HYDIN: variants seen among roughly 807,000 people sequenced by gnomAD.
HYDIN encodes HYDIN axonemal central pair apparatus protein.
HYDIN carries 132 observed loss-of-function variants against 403.9 expected under a neutral mutation model. The ratio of observed to expected loss-of-function variants is 0.33; its 90% CI spans 0.28 to 0.38. The LOEUF is 0.38. Ranked by LOEUF, HYDIN falls within the 10% of genes least tolerant of loss-of-function variation. The pLI, the probability that HYDIN is intolerant of heterozygous loss-of-function variation, is 1.00. For missense variants in HYDIN, 2,827 were observed against 5,009.5 expected (o/e 0.56, Z 13.15); for synonymous variants, 1,202 against 1,891.7 (o/e 0.64, Z 9.46).
chr16:70,982,235 C>G (rs960233789), intron 28 of HYDIN, among the ~76,000 whole-genome samples: 5 of 149,212 alleles, frequency 3.4e-5, no homozygotes, highest in Non-Finnish European at 7.4e-5. Context: ...TATATTAAAA[C>G]ATTTTTGTGA....
chr16:70,958,661 G>C (rs2078316340), intron 39 of HYDIN, among the ~76,000 whole-genome samples: 1 of 152,084 alleles, frequency 6.6e-6, no homozygotes, highest in Non-Finnish European at 1.5e-5. Context: ...TTTAGGTCCT[G>C]ATTTACAACT....
At chr16:70,845,683 G>A (rs2038151883) in intron 75 of HYDIN, among the ~76,000 whole-genome samples, 1 of 135,364 alleles carries the variant, frequency 7.4e-6, no homozygotes, top group African/African-American at 3.4e-5. Context: ...GACTCTTTTT[G>A]GTTGGTAAAC....
chr16:71,202,797 T>C (rs943763426), intron 1 of HYDIN, among the ~76,000 whole-genome samples: 2 of 152,196 alleles, frequency 1.3e-5, no homozygotes, highest in Non-Finnish European at 2.9e-5. Flanking sequence ...AAACAATCTA[T>C]TAAAATATTT....
intron 11 of HYDIN, among the ~76,000 whole-genome samples, chr16:71,092,920 C>T (rs1475584838): frequency 7.0e-6 from 1 of 143,566 alleles, no homozygotes; most frequent in Non-Finnish European, 1.5e-5. Context: ...GTGCTCAACA[C>T]ACATTAAGGG....
At chr16:71,049,626 G>T (rs971022984) in intron 18 of HYDIN, among the ~76,000 whole-genome samples, 6 of 152,110 alleles carry the variant, frequency 3.9e-5, no homozygotes, top group Admixed American at 2.0e-4. Context: ...AAACAATCAG[G>T]TAATGAATTC....
At chr16:71,158,187 T>C (rs912330529) in intron 6 of HYDIN, among the ~76,000 whole-genome samples, 3 of 152,202 alleles carry the variant, frequency 2.0e-5, no homozygotes, top group Non-Finnish European at 4.4e-5. Context: ...AGCCCATGTT[T>C]GCACGAATCC....
rs372241355 is a variant in HYDIN at position 70,832,858 on chromosome 16, G to A, written c.13889C>T (p.Ala4630Val). Residue 4630 changes from alanine (A) to valine (V), a missense_variant, in exon 80 of 86, where the codon GCG (alanine) becomes GTG (valine). By Grantham distance (64) the Ala-to-Val change is moderately conservative. Coordinates refer to ENST00000393567, the MANE Select transcript of HYDIN (RefSeq NM_001270974.2). ...TLSGVCVGPP[A>V]VKEVVNFTCQ... is the part of the protein sequence containing the mutation. ...GCAGCAGCTACTAACCTCTTTTACC[G>A]CAGGTGGTCCCACGCAGACTCCAGA... is the stretch of plus-strand genomic sequence containing the variant. The A allele has an allele frequency of 5.7e-5, 91 of 1,604,284 alleles. No individual in the cohort carries two copies. The highest frequency in any genetic ancestry group is 1.7e-4 in the Admixed American group (10 of 59,744).
At chr16:71,064,886 T>C in intron 15 of HYDIN, 46 bp from the exon 16 acceptor site, 1 of 1,596,394 alleles carries the variant, frequency 6.3e-7, no homozygotes, top group Non-Finnish European at 8.5e-7. Flanking sequence ...AGAGCTTGTT[T>C]ACATACAGAA....
chr16:71,153,585 C>T (rs1032593823), intron 6 of HYDIN, among the ~76,000 whole-genome samples: 1 of 151,840 alleles, frequency 6.6e-6, no homozygotes, highest in Non-Finnish European at 1.5e-5. Context: ...GACCTCACAT[C>T]CCCTCCCATC....
chr16:70,889,870 C>G (rs928728429), intron 57 of HYDIN, among the ~76,000 whole-genome samples, 166 bp from the exon 58 acceptor site: 5 of 152,182 alleles, frequency 3.3e-5, no homozygotes, highest in Non-Finnish European at 5.9e-5. Flanking sequence ...TAATCACTGA[C>G]CAAACTCATT....
At chr16:71,216,267 T>C (rs1278150315) in intron 1 of HYDIN, among the ~76,000 whole-genome samples, 1 of 152,178 alleles carries the variant, frequency 6.6e-6, no homozygotes, top group African/African-American at 2.4e-5. Flanking sequence ...TATAATATAA[T>C]ATCACAAATC....
chr16:70,886,738 C>G (rs1195302141), intron 58 of HYDIN, among the ~76,000 whole-genome samples: 2 of 152,146 alleles, frequency 1.3e-5, no homozygotes, highest in East Asian at 1.9e-4. Context: ...AATATTGTGC[C>G]ACTTTCTTTT....
intron 1 of HYDIN, among the ~76,000 whole-genome samples, chr16:71,229,164 G>T (rs1352233168): frequency 1.6e-5 from 2 of 125,472 alleles, no homozygotes; most frequent in African/African-American, 5.9e-5. Context: ...TGTGGGGTGG[G>T]GGGAGGGGGG....
intron 73 of HYDIN, among the ~76,000 whole-genome samples, chr16:70,853,069 T>C (rs71401840): frequency 1.5e-4 from 23 of 151,110 alleles, no homozygotes; most frequent in Admixed American, 2.6e-4. Flanking sequence ...TAGCCTTAGC[T>C]ACTCGGGAGG....
Position 70,974,651 on chromosome 16 carries a change from T to A in HYDIN, c.4792A>T (p.Ile1598Phe). 7.5e-7 allele frequency: 1 copy of A among 1,333,000 alleles called. No homozygotes were observed. Among genetic ancestry groups the A allele is most frequent in the Non-Finnish European group, 1.1e-6 (1 of 941,312 alleles). 82.6% of individuals were successfully genotyped at this position (1,333,000 alleles called of 1,614,324 possible). The change falls in exon 32 of 86, where the codon ATC becomes TTC. Residue 1598 changes from isoleucine (I) to phenylalanine (F), a missense_variant. Coordinates refer to ENST00000393567, the MANE Select transcript of HYDIN (RefSeq NM_001270974.2). Reference sequence around the variant, plus strand: ...AGGATGATGTAGCCAAAGTCCAGGATGTACTCTGGTAGCTGGATTCTGAAA... The same window carrying A: ...AGGATGATGTAGCCAAAGTCCAGGAAGTACTCTGGTAGCTGGATTCTGAAA... Reference protein sequence around the residue: ...KLAKIQLPEYILDFGYIILGE... With the variant: ...KLAKIQLPEYFLDFGYIILGE...
At chr16:71,017,485 T>C (rs1286838148) in intron 23 of HYDIN, among the ~76,000 whole-genome samples, 1 of 152,204 alleles carries the variant, frequency 6.6e-6, no homozygotes, top group Non-Finnish European at 1.5e-5. Context: ...CCCAGCTATG[T>C]AGAACTGTGA....
chr16:70,926,488 C>T (rs2077157659), intron 45 of HYDIN, among the ~76,000 whole-genome samples: 2 of 151,944 alleles, frequency 1.3e-5, no homozygotes, highest in Admixed American at 1.3e-4. Context: ...GGAGGGATAG[C>T]ATTAGGAGAT....
Position 70,833,920 on chromosome 16 carries a change from A to T in HYDIN, c.13646T>A (p.Ile4549Asn). 1.2e-6 allele frequency: 2 copies of T among 1,613,668 alleles called. No individual in the cohort carries two copies. ...VVYQTQATRR[I>N]LMMNTGDVGA... ...CACATCGCCTGTGTTCATCATGAGG[A>T]TGCGACGTGTGGCTTGCGTCTGATA... The change falls in exon 79 of 86, where the codon ATC (isoleucine) becomes AAC (asparagine). Residue 4549 changes from isoleucine to asparagine, a missense_variant. Transcript: ENST00000393567.
At chr16:71,151,272 C>G (rs2085527493) in intron 7 of HYDIN, among the ~76,000 whole-genome samples, 1 of 152,046 alleles carries the variant, frequency 6.6e-6, no homozygotes, top group African/African-American at 2.4e-5. Context: ...TAGACCACAT[C>G]ACTGGCTGGT....
Sources: gnomAD v4.1 joint callset for allele counts (sites outside exome capture counted in the v4.1 genomes callset) on GRCh38, gnomAD v4.1.1 for gene constraint, MANE v1.5 for transcripts, NCBI Gene and HGNC (gene_info 2026-07-23, HGNC 2026-07-21) for gene names.